The following HOXC6 variants were observed in gnomAD, a reference collection of about 807,000 sequenced individuals.
HOXC6 encodes the protein homeobox C6.
HOXC6 carries 10 observed loss-of-function variants against 24.0 expected under a neutral mutation model. The ratio of observed to expected loss-of-function variants is 0.42; its 90% CI spans 0.26 to 0.71. HOXC6 has a LOEUF of 0.71. Among genes scored for constraint, HOXC6 ranks in the 30% least tolerant of loss-of-function variants. HOXC6 has a pLI of 0.28. For synonymous variants in HOXC6, 123 were observed against 128.1 expected (o/e 0.96, Z 0.27); for missense variants, 258 against 303.4 (o/e 0.85, Z 1.11).
At chr12:54,022,190 C>T (rs1311716815) in intron 1 of HOXC6, 1 of 152,170 alleles carries the variant, frequency 6.6e-6, no homozygotes, top group Non-Finnish European at 1.5e-5. Context: ...TACCCCACTC[C>T]TTTCTGCAGG....
chr12:54,028,444 C>T lies in HOXC6; in HGVS notation c.-78C>T. 1 of 1,468,956 alleles carries T rather than the reference C, an allele frequency of 6.8e-7. No individual in the cohort carries two copies. 91.0% of individuals were successfully genotyped at this position (1,468,956 alleles called of 1,614,324 possible). A position where few individuals can be genotyped will look rare whatever the true frequency, so the allele number is the denominator to read the frequency against. The stretch of plus-strand genomic sequence containing the variant: ...TCCTGGATTGGAGCCGTCCCTATAA[C>T]CATCTAGTTCCGAGTACAAACTGGA... On this transcript the variant is annotated 5_prime_UTR_variant, in exon 1 of 2. Transcript: ENST00000243108.
At chr12:54,021,564 G>A (rs1207569045) in intron 1 of HOXC6, 1 of 152,274 alleles carries the variant, frequency 6.6e-6, no homozygotes, top group Non-Finnish European at 1.5e-5. Flanking sequence ...GGCTGGAGGG[G>A]TTTTCCGCTA....
chr12:54,021,986 A>G (rs1264556534), intron 1 of HOXC6: 1 of 152,264 alleles, frequency 6.6e-6, no homozygotes, highest in East Asian at 1.9e-4. Flanking sequence ...AATAGTCTTA[A>G]AACAGGGCAG....
upstream of HOXC6, among the ~76,000 whole-genome samples, chr12:54,024,254 G>A (rs541768546): frequency 6.6e-6 from 1 of 152,278 alleles, no homozygotes; most frequent in Admixed American, 6.5e-5. Flanking sequence ...GTGGGGGCAG[G>A]GTCGGGCAGC....
At chr12:54,017,073 GGA>G (rs1171359568) in exon 1 of HOXC6, 1 of 152,112 alleles carries the variant, frequency 6.6e-6, no homozygotes, top group African/African-American at 2.4e-5. Context: ...GGATGGGAGG[GGA>G]GAGACAGAAG....
chr12:54,019,301 T>G (rs1311826552), intron 1 of HOXC6, among the ~76,000 whole-genome samples: 1 of 151,260 alleles, frequency 6.6e-6, no homozygotes, highest in African/African-American at 2.4e-5. Flanking sequence ...GCCCGCCGCC[T>G]GCTCAGGCTG....
chr12:54,024,074 G>A (rs1940571051), upstream of HOXC6, among the ~76,000 whole-genome samples: 1 of 152,206 alleles, frequency 6.6e-6, no homozygotes, highest in African/African-American at 2.4e-5. Flanking sequence ...CTGAGCAGTC[G>A]CTCCAGAACA....
chr12:54,029,853 C>A lies in HOXC6; in HGVS notation c.599C>A (p.Ser200Tyr), dbSNP rs747214600. The part of the protein sequence containing the change: ...QNRRMKWKKE[S>Y]NLTSTLSGGG... ...CGCCGGATGAAGTGGAAAAAAGAATCTAATCTCACATCCACTCTCTCGGGG... is the reference window on the plus strand; with the variant it reads ...CGCCGGATGAAGTGGAAAAAAGAATATAATCTCACATCCACTCTCTCGGGG... Residue 200 changes from serine (S) to tyrosine (Y), a missense_variant, in exon 2 of 2, where the codon TCT becomes TAT. Coordinates refer to ENST00000243108, the MANE Select transcript of HOXC6 (RefSeq NM_004503.4). 1 of 1,614,016 alleles carries A rather than the reference C, an allele frequency of 6.2e-7. No individual in the cohort carries two copies. Among genetic ancestry groups the A allele is most frequent in the Admixed American group, 1.7e-5 (1 of 60,016 alleles).
chr12:54,030,020 C>A lies in HOXC6; in HGVS notation c.*58C>A. The A allele has an allele frequency of 7.2e-7, 1 of 1,390,130 alleles. No individual in the cohort carries two copies. The highest frequency in any genetic ancestry group is 9.6e-7 in the Non-Finnish European group (1 of 1,038,546). The allele number at this position is 1,390,130 out of a possible 1,614,324, so 86.1% of individuals were successfully genotyped here. A position where few individuals can be genotyped will look rare whatever the true frequency, so the allele number is the denominator to read the frequency against. ...TCTCCCTCGCTCCCCACCAACTCTC[C>A]CCTAATCACACACTCTGTATTTATC... On this transcript the variant is annotated 3_prime_UTR_variant, in exon 2 of 2. Transcript: ENST00000243108.
chr12:54,025,707 G>A (rs182192382), upstream of HOXC6, among the ~76,000 whole-genome samples: 195 of 152,088 alleles, frequency 1.3e-3, no homozygotes, highest in African/African-American at 4.6e-3. Context: ...CTCTGTTTAG[G>A]GACGTCATAA....
intron 1 of HOXC6, among the ~76,000 whole-genome samples, chr12:54,017,618 G>A (rs1940213447): frequency 6.6e-6 from 1 of 151,814 alleles, no homozygotes; most frequent in African/African-American, 2.4e-5. Context: ...GGGCGATTGT[G>A]TTGTCCTGAT....
chr12:54,024,900 C>T (rs1165919767), upstream of HOXC6, among the ~76,000 whole-genome samples: 2 of 152,244 alleles, frequency 1.3e-5, no homozygotes, highest in Non-Finnish European at 2.9e-5. Context: ...ATGTGTTTTG[C>T]ATTGGAGAGG....
chr12:54,027,709 G>A (rs1449652939), upstream of HOXC6, among the ~76,000 whole-genome samples: 2 of 152,152 alleles, frequency 1.3e-5, no homozygotes, highest in Non-Finnish European at 2.9e-5. Flanking sequence ...GTCCTGAGAA[G>A]GAGGCAGAAG....
chr12:54,023,690 C>T (rs746424), upstream of HOXC6, among the ~76,000 whole-genome samples: 476 of 152,312 alleles, frequency 3.1e-3, 3 homozygotes, highest in African/African-American at 0.01. Flanking sequence ...TTAGCACCCC[C>T]AAATGATATC....
Position 54,029,573 on chromosome 12 carries a change from G to A in HOXC6, c.401-82G>A, listed in dbSNP as rs932549537. On this transcript the variant is annotated intron_variant, in intron 1 of 1. Coordinates refer to ENST00000243108, the MANE Select transcript of HOXC6 (RefSeq NM_004503.4). The stretch of plus-strand genomic sequence containing the variant: ...TGTGAGCTGCTGGCCAGGTTGGGAG[G>A]GTCAGGACTTTGCTAGGCGAAACAG... The A allele has an allele frequency of 2.8e-6, 4 of 1,448,968 alleles. No individual in the cohort carries two copies. The African/African-American group carries it at 4.2e-5, about 15-fold the overall frequency. The allele number at this position is 1,448,968 out of a possible 1,614,324, so 89.8% of individuals were successfully genotyped here.
intron 1 of HOXC6, among the ~76,000 whole-genome samples, chr12:54,018,837 C>G (rs1029189606): frequency 7.9e-5 from 12 of 152,306 alleles, no homozygotes; most frequent in African/African-American, 2.9e-4. Context: ...AAGACACCCC[C>G]TCTACCCCCA....
In HOXC6 at chr12:54,028,474, GA is replaced by G. The variant is rs768343504; in HGVS notation, c.-45del. ...TAGTTCCGAGTACAAACTGGAGACA[GA>G]AATAAATATTAAAGAAATCATAGAC... is the stretch of plus-strand genomic sequence containing the variant. On this transcript the variant is annotated 5_prime_UTR_variant, in exon 1 of 2. Coordinates refer to ENST00000243108, the MANE Select transcript of HOXC6 (RefSeq NM_004503.4). 2 of 1,574,396 alleles carry G rather than the reference GA, an allele frequency of 1.3e-6. No homozygotes were observed. Among genetic ancestry groups the G allele is most frequent in the Non-Finnish European group, 1.7e-6 (2 of 1,157,624 alleles).
At chr12:54,022,200 G>C (rs1940480548) in intron 1 of HOXC6, 1 of 152,124 alleles carries the variant, frequency 6.6e-6, no homozygotes, top group Non-Finnish European at 1.5e-5. Flanking sequence ...CTTTCTGCAG[G>C]AGTTTCCCTG....
At chr12:54,029,551 G>C in intron 1 of HOXC6, 104 bp from the exon 2 acceptor site, 4 of 1,225,524 alleles carry the variant, frequency 3.3e-6, no homozygotes, top group Admixed American at 2.2e-5. Flanking sequence ...AGGAGGCTGT[G>C]AGCTGCTGGC....
Sources: gnomAD v4.1 joint callset for allele counts (sites outside exome capture counted in the v4.1 genomes callset) on GRCh38, gnomAD v4.1.1 for gene constraint, MANE v1.5 for transcripts, NCBI Gene and HGNC (gene_info 2026-07-23, HGNC 2026-07-21) for gene names.